The following TRPC4AP variants were observed in gnomAD, a reference collection of about 807,000 sequenced individuals.
The protein encoded by TRPC4AP is transient receptor potential cation channel subfamily C member 4 associated protein.
In TRPC4AP, 45 loss-of-function variants were observed where a neutral mutation model predicts 99.0. The observed-to-expected ratio is 0.45, with a 90% CI of 0.36 to 0.58. The LOEUF is 0.58. Ranked by LOEUF, TRPC4AP falls within the 20% of genes least tolerant of loss-of-function variation. The pLI, the probability that TRPC4AP is intolerant of heterozygous loss-of-function variation, is 0.00. For missense variants in TRPC4AP, 879 were observed against 985.3 expected, an observed-to-expected ratio of 0.89 and a Z score of 1.44; for synonymous variants, 408 against 385.8, an observed-to-expected ratio of 1.06 and a Z score of -0.67.
chr20:35,073,573 T>G (rs2084384718), intron 2 of TRPC4AP, among the ~76,000 whole-genome samples: 1 of 152,210 alleles, frequency 6.6e-6, no homozygotes, highest in African/African-American at 2.4e-5. Context: ...ATGGATTACG[T>G]TTATTGATTT....
chr20:35,089,818 T>C (rs6088704), intron 1 of TRPC4AP, among the ~76,000 whole-genome samples: 89,081 of 151,702 alleles, frequency 0.59, 27,117 homozygotes, highest in Middle Eastern at 0.74. Flanking sequence ...TGCACTCCAG[T>C]CTGGGCAACA....
chr20:35,080,493 C>G (rs2146022635), intron 1 of TRPC4AP, among the ~76,000 whole-genome samples: 1 of 139,590 alleles, frequency 7.2e-6, no homozygotes, highest in Non-Finnish European at 1.5e-5. Flanking sequence ...AAAGCCAGAC[C>G]TTGTCTCAAA....
At position 35,045,633 on chromosome 20, in the gene TRPC4AP, G is replaced by A. The variant is rs554369643; in HGVS notation, c.658-921C>T. 7.9e-5 allele frequency among the ~76,000 whole-genome samples: 12 copies of A among 152,178 alleles called. No individual in the cohort carries two copies. In the East Asian group the frequency reaches 2.1e-3, roughly 27 times the overall value. ...GACTCACTGCAAACTCCACCTCCTGGGTTCAAGTGATTCTCCTGCCTCAGC... is the reference window on the plus strand; with the variant it reads ...GACTCACTGCAAACTCCACCTCCTGAGTTCAAGTGATTCTCCTGCCTCAGC... On this transcript the variant is annotated intron_variant, in intron 6 of 18. Transcript: ENST00000252015.
At chr20:35,081,022 A>G (rs1032803637) in intron 1 of TRPC4AP, among the ~76,000 whole-genome samples, 3 of 152,192 alleles carry the variant, frequency 2.0e-5, no homozygotes, top group African/African-American at 4.8e-5. Context: ...ACTGAACTGT[A>G]CACTTACAAT....
intron 12 of TRPC4AP, 94 bp downstream of exon 12, chr20:35,010,091 GAC>G (rs767083281): frequency 7.9e-5 from 73 of 920,264 alleles, no homozygotes; most frequent in Non-Finnish European, 1.1e-4. Flanking sequence ...TGTGAGAGAG[GAC>G]ACGCGTGCAT....
At chr20:35,036,169 G>A (rs955828140) in intron 7 of TRPC4AP, among the ~76,000 whole-genome samples, 1 of 152,202 alleles carries the variant, frequency 6.6e-6, no homozygotes, top group African/African-American at 2.4e-5. Context: ...GAGGCAGGGA[G>A]ATCCAGATTC....
chr20:35,078,293 C>T (rs955783237), intron 1 of TRPC4AP, 119 bp from the exon 2 acceptor site: 6 of 1,032,324 alleles, frequency 5.8e-6, no homozygotes, highest in South Asian at 1.7e-5. Context: ...TATCTCTAAG[C>T]ACTACTATAA....
chr20:35,030,961 T>C (rs766278500), intron 8 of TRPC4AP, among the ~76,000 whole-genome samples: 17 of 152,378 alleles, frequency 1.1e-4, no homozygotes, highest in Non-Finnish European at 2.1e-4. Flanking sequence ...GGTATGCTGC[T>C]TAATTTCCAG....
chr20:35,063,964 C>T (rs746918571), intron 3 of TRPC4AP, among the ~76,000 whole-genome samples: 68 of 152,160 alleles, frequency 4.5e-4, no homozygotes, highest in Non-Finnish European at 1.2e-4. Flanking sequence ...AAGGAATACT[C>T]CCGAATCTTA....
intron 4 of TRPC4AP, 84 bp downstream of exon 4, chr20:35,057,430 G>A (rs374493784): frequency 9.1e-7 from 1 of 1,104,516 alleles, no homozygotes; most frequent in East Asian, 2.4e-5. Context: ...GAGTTAGGAA[G>A]GGAAGGAAGA....
At chr20:35,032,072 T>C (rs966523772) in intron 8 of TRPC4AP, among the ~76,000 whole-genome samples, 5 of 152,114 alleles carry the variant, frequency 3.3e-5, no homozygotes, top group South Asian at 2.1e-4. Context: ...GTATTTTTAA[T>C]AGAGATGGGG....
At chr20:35,075,029 T>C (rs2084434307) in intron 2 of TRPC4AP, among the ~76,000 whole-genome samples, 1 of 152,186 alleles carries the variant, frequency 6.6e-6, no homozygotes, top group Admixed American at 6.6e-5. Context: ...CCTTGTCTCT[T>C]TTGATCTTTG....
At chr20:35,074,342 G>T (rs1037872999) in intron 2 of TRPC4AP, among the ~76,000 whole-genome samples, 3 of 152,092 alleles carry the variant, frequency 2.0e-5, no homozygotes. Context: ...TGCTTTTCTA[G>T]TTCTTTTAAT....
intron 3 of TRPC4AP, among the ~76,000 whole-genome samples, chr20:35,066,544 G>T (rs1428686362): frequency 6.6e-6 from 1 of 152,082 alleles, no homozygotes; most frequent in Admixed American, 6.5e-5. Context: ...TGGGGTTAAG[G>T]GCAGATATCT....
intron 8 of TRPC4AP, among the ~76,000 whole-genome samples, chr20:35,025,955 A>G (rs762339321): frequency 2.0e-5 from 3 of 152,148 alleles, no homozygotes; most frequent in Non-Finnish European, 4.4e-5. Context: ...TGTATATGAC[A>G]TAAGGCAGGG....
At chr20:35,086,461 GTGTGTGTGTGTGTGTATGTGTGTGTATA>G (rs1395057600) in intron 1 of TRPC4AP, among the ~76,000 whole-genome samples, 7 of 57,336 alleles carry the variant, frequency 1.2e-4, no homozygotes, top group African/African-American at 4.7e-4. Context: ...GTGTGTGTGT[GTGTGTGTGTGTGTGTATGTGTGTGTATA>G]TATATATGTG....
chr20:35,040,169 G>A (rs1200195248), intron 7 of TRPC4AP, among the ~76,000 whole-genome samples: 1 of 151,932 alleles, frequency 6.6e-6, no homozygotes, highest in African/African-American at 2.4e-5. Flanking sequence ...GGAATGCGGT[G>A]GTGTGATGGT....
At chr20:35,055,089 T>G (rs1400995090) in intron 4 of TRPC4AP, 58 bp from the exon 5 acceptor site, 27 of 1,475,520 alleles carry the variant, frequency 1.8e-5, no homozygotes, top group Admixed American at 5.2e-5. Flanking sequence ...AGTACAACAG[T>G]TACCACATTT....
intron 13 of TRPC4AP, among the ~76,000 whole-genome samples, chr20:35,008,136 A>C (rs187095607): frequency 1.3e-5 from 2 of 152,270 alleles, no homozygotes; most frequent in East Asian, 3.9e-4. Context: ...CAAGGCACTG[A>C]AGTGACAAAG....
Sources: allele counts gnomAD v4.1 joint callset (sites outside exome capture counted in the v4.1 genomes callset), GRCh38; gene constraint gnomAD v4.1.1; transcripts MANE v1.5; gene names NCBI Gene and HGNC (gene_info 2026-07-23, HGNC 2026-07-21).